The following TBC1D1 variants were observed in gnomAD, a reference collection of about 807,000 sequenced individuals.
The protein encoded by TBC1D1 is TBC1 (tre-2/USP6, BUB2, cdc16) domain family, member 1.
In TBC1D1, 89 loss-of-function variants were observed where a neutral mutation model predicts 125.6. That is an observed-to-expected ratio of 0.71 (90% confidence interval 0.60 to 0.85). The LOEUF (loss-of-function observed/expected upper bound fraction) is 0.85, where lower values mean the gene tolerates loss of function less well. Among genes scored for constraint, TBC1D1 ranks in the 40% least tolerant of loss-of-function variants. The probability of loss-of-function intolerance (pLI) is 0.00; values close to 1 mark genes in which losing one functional copy is unlikely to be tolerated. For missense variants in TBC1D1, 1,377 were observed against 1,469.2 expected, an observed-to-expected ratio of 0.94 and a Z score of 1.03; for synonymous variants, 565 against 564.1, an observed-to-expected ratio of 1.00 and a Z score of -0.02.
At chr4:37,985,195 C>T (rs113345118) in intron 2 of TBC1D1, among the ~76,000 whole-genome samples, 7,177 of 152,184 alleles carry the variant, frequency 0.047, 172 homozygotes, top group African/African-American at 0.068. Context: ...CCTTGTGATC[C>T]GCCTGCCTCA....
At chr4:37,984,372 T>C (rs1734998681) in intron 2 of TBC1D1, among the ~76,000 whole-genome samples, 1 of 152,262 alleles carries the variant, frequency 6.6e-6, no homozygotes, top group East Asian at 1.9e-4. Flanking sequence ...CATTTTGTAT[T>C]GCCATCAACA....
At chr4:38,113,311 G>A (rs1409128133) in intron 15 of TBC1D1, among the ~76,000 whole-genome samples, 2 of 152,098 alleles carry the variant, frequency 1.3e-5, no homozygotes, top group East Asian at 3.9e-4. Flanking sequence ...ACTCTTGAGT[G>A]GCCAATTAGC....
intron 2 of TBC1D1, among the ~76,000 whole-genome samples, chr4:37,959,806 T>A (rs1729615138): frequency 6.6e-6 from 1 of 152,168 alleles, no homozygotes; most frequent in Non-Finnish European, 1.5e-5. Context: ...AGTCCAGTAT[T>A]CCTGCCCAAG....
intron 2 of TBC1D1, among the ~76,000 whole-genome samples, chr4:37,986,829 C>T (rs565587394): frequency 1.5e-3 from 186 of 124,818 alleles, no homozygotes; most frequent in South Asian, 7.4e-3. Flanking sequence ...CCTGAGTAGT[C>T]GGGTTGGGGT....
intron 2 of TBC1D1, among the ~76,000 whole-genome samples, chr4:37,921,414 ATT>A (rs149265712): frequency 5.4e-5 from 8 of 147,068 alleles, no homozygotes; most frequent in South Asian, 4.3e-4. Flanking sequence ...CATATATATA[ATT>A]TTTTTTTTTG....
chr4:38,114,576 T>C (rs1331743567), intron 15 of TBC1D1, among the ~76,000 whole-genome samples: 1 of 152,214 alleles, frequency 6.6e-6, no homozygotes, highest in African/African-American at 2.4e-5. Context: ...GGCTGCCAGC[T>C]GCCTGGCTCC....
intron 15 of TBC1D1, among the ~76,000 whole-genome samples, chr4:38,114,347 A>G (rs1341694926): frequency 6.6e-6 from 1 of 152,236 alleles, no homozygotes; most frequent in East Asian, 1.9e-4. Flanking sequence ...GACAGTGGTT[A>G]GGAGACCGTA....
intron 12 of TBC1D1, among the ~76,000 whole-genome samples, chr4:38,087,110 C>T (rs1757615543): frequency 1.3e-5 from 2 of 152,088 alleles, no homozygotes; most frequent in East Asian, 1.9e-4. Flanking sequence ...ATGCCAAGAA[C>T]CCATATGGTA....
intron 2 of TBC1D1, among the ~76,000 whole-genome samples, chr4:37,958,817 G>A (rs914455398): frequency 5.3e-5 from 8 of 152,178 alleles, no homozygotes; most frequent in African/African-American, 1.9e-4. Flanking sequence ...AAACTTTATT[G>A]TAAAAGTTGC....
At chr4:37,942,583 G>A (rs112980257) in intron 2 of TBC1D1, among the ~76,000 whole-genome samples, 1 of 151,862 alleles carries the variant, frequency 6.6e-6, no homozygotes, top group Non-Finnish European at 1.5e-5. Context: ...CTGTCACCCA[G>A]GCTGGAGTGC....
At position 38,129,327 on chromosome 4, in the gene TBC1D1, A is replaced by G. The variant is rs114020924; in HGVS notation, c.3133-3757A>G. Among the ~76,000 whole-genome samples, 697 of 152,280 alleles carry G rather than the reference A, an allele frequency of 4.6e-3. 10 individuals carry two copies. Among genetic ancestry groups the G allele is most frequent in the African/African-American group, 0.016 (665 of 41,560 alleles). ...AGCCGTCACTTCTTGGGCAGTTTGC[A>G]CCGTGGAAAAGGAGTAGTTTTGTAC... On this transcript the variant is annotated intron_variant, in intron 18 of 19. Transcript: ENST00000261439.
chr4:38,026,175 A>G (rs749335687), intron 6 of TBC1D1, among the ~76,000 whole-genome samples: 1 of 152,190 alleles, frequency 6.6e-6, no homozygotes, highest in Non-Finnish European at 1.5e-5. Flanking sequence ...CAGTCACTTA[A>G]ATATTATTTC....
chr4:38,046,130 C>T lies in TBC1D1; in HGVS notation c.1629+227C>T, dbSNP rs556396532. On this transcript the variant is annotated intron_variant, in intron 10 of 19. Coordinates refer to ENST00000261439, the MANE Select transcript of TBC1D1 (RefSeq NM_015173.4). ...CCTGTAATCTCAGCACTTTGAGAGG[C>T]GGACGCGGGCGGATCATGAGGTCAG... Among the ~76,000 whole-genome samples the T allele has an allele frequency of 1.8e-4, 28 of 152,204 alleles. No individual in the cohort carries two copies. The East Asian group carries it at 2.9e-3, about 16-fold the overall frequency.
chr4:38,061,955 A>C (rs1011968061), intron 12 of TBC1D1, among the ~76,000 whole-genome samples: 8 of 152,242 alleles, frequency 5.3e-5, no homozygotes, highest in Admixed American at 1.3e-4. Context: ...AATAAACTGC[A>C]GGTGAAACTT....
At chr4:37,961,986 G>A (rs1260421652) in intron 2 of TBC1D1, among the ~76,000 whole-genome samples, 1 of 152,184 alleles carries the variant, frequency 6.6e-6, no homozygotes, top group Non-Finnish European at 1.5e-5. Context: ...ACTGGAGAAG[G>A]TTTAAGTTTA....
chr4:38,029,752 A>G (rs183368257), intron 7 of TBC1D1, among the ~76,000 whole-genome samples: 1 of 152,364 alleles, frequency 6.6e-6, no homozygotes, highest in African/African-American at 2.4e-5. Flanking sequence ...CTTCAGGAAG[A>G]GAGCATAGAA....
intron 2 of TBC1D1, among the ~76,000 whole-genome samples, chr4:37,969,237 A>G (rs937784906): frequency 6.6e-6 from 1 of 152,236 alleles, no homozygotes; most frequent in Admixed American, 6.5e-5. Context: ...TCACACTATA[A>G]TTCCAATATC....
chr4:37,946,190 T>C (rs1001174271), intron 2 of TBC1D1, among the ~76,000 whole-genome samples: 4 of 152,254 alleles, frequency 2.6e-5, no homozygotes, highest in Non-Finnish European at 5.9e-5. Flanking sequence ...CTCAGCAGAC[T>C]AGAAATGCTG....
At chr4:37,892,637 A>C (rs779790250) in intron 1 of TBC1D1, among the ~76,000 whole-genome samples, 1 of 152,200 alleles carries the variant, frequency 6.6e-6, no homozygotes, top group African/African-American at 2.4e-5. Context: ...AAATTATTAC[A>C]TTACGTTTTC....
Sources: gnomAD v4.1 joint callset for allele counts (sites outside exome capture counted in the v4.1 genomes callset) on GRCh38, gnomAD v4.1.1 for gene constraint, MANE v1.5 for transcripts, NCBI Gene and HGNC (gene_info 2026-07-23, HGNC 2026-07-21) for gene names.